AGMO: variants seen among roughly 807,000 people sequenced by gnomAD.
The protein encoded by AGMO is alkylglycerol monooxygenase.
AGMO carries 75 observed loss-of-function variants against 60.2 expected under a neutral mutation model. That is an observed-to-expected ratio of 1.25 (90% CI 1.03 to 1.51). The LOEUF is 1.51. Ranked by LOEUF, AGMO falls within the 40% of genes most tolerant of loss-of-function variation. AGMO has a pLI of 0.00. For missense variants in AGMO, 763 were observed against 525.5 expected (o/e 1.45, Z -4.42); for synonymous variants, 261 against 177.1 (o/e 1.47, Z -3.76).
At chr7:15,192,096 AAAACAAGAAAT>A in the AGMO span, among the ~76,000 whole-genome samples, 1 of 152,254 alleles carries the variant, frequency 6.6e-6, no homozygotes, top group East Asian at 1.9e-4. Context: ...AATGTTTTTC[AAAACAAGAAAT>A]AACAAAACCA....
chr7:15,467,043 A>C (rs1202891598), intron 3 of AGMO, among the ~76,000 whole-genome samples: 1 of 152,328 alleles, frequency 6.6e-6, no homozygotes, highest in South Asian at 2.1e-4. Context: ...CTGTTGCAAT[A>C]ATATCCTAAA....
chr7:15,411,252 T>C (rs1780593668), intron 5 of AGMO, among the ~76,000 whole-genome samples: 1 of 152,006 alleles, frequency 6.6e-6, no homozygotes, highest in Non-Finnish European at 1.5e-5. Flanking sequence ...TTGAGCCAAA[T>C]AAACTTCTAT....
In AGMO at chr7:15,447,699, C is replaced by T. The variant is rs561261970; in HGVS notation, c.410-16591G>A. ...GCAGGTAGCTGGGACTACAGACACACGCCACCACACCTGGCTAAATTTTTT... is the reference window on the plus strand; with the variant it reads ...GCAGGTAGCTGGGACTACAGACACATGCCACCACACCTGGCTAAATTTTTT... On this transcript the variant is annotated intron_variant, in intron 3 of 12. Coordinates refer to ENST00000342526, the MANE Select transcript of AGMO (RefSeq NM_001004320.2). Among the ~76,000 whole-genome samples, 35 of 152,136 alleles carry T rather than the reference C, an allele frequency of 2.3e-4. No homozygotes were observed. The South Asian group carries it at 3.7e-3, about 16-fold the overall frequency.
At chr7:15,545,584 C>T (rs1186317670) in intron 2 of AGMO, among the ~76,000 whole-genome samples, 1 of 151,892 alleles carries the variant, frequency 6.6e-6, no homozygotes, top group East Asian at 1.9e-4. Flanking sequence ...CTAGGGTTTT[C>T]ATAATATTAG....
At chr7:15,560,061 C>T (rs778121151) in intron 2 of AGMO, 80 bp downstream of exon 2, 1 of 1,281,648 alleles carries the variant, frequency 7.8e-7, no homozygotes. Flanking sequence ...AACTAATTCT[C>T]CCATGCATTG....
At chr7:15,544,488 T>A (rs1296686823) in intron 3 of AGMO, among the ~76,000 whole-genome samples, 6 of 152,114 alleles carry the variant, frequency 3.9e-5, no homozygotes, top group African/African-American at 1.4e-4. Context: ...AAAAACCAAA[T>A]GGTAAATAAT....
chr7:15,137,792 G>T, the AGMO span, among the ~76,000 whole-genome samples: 2 of 152,160 alleles, frequency 1.3e-5, no homozygotes, highest in Non-Finnish European at 2.9e-5. Flanking sequence ...TTTTAAGCTA[G>T]GGAGTGAAAT....
chr7:15,183,342 A>C, the AGMO span, among the ~76,000 whole-genome samples: 1 of 152,152 alleles, frequency 6.6e-6, no homozygotes, highest in Non-Finnish European at 1.5e-5. Context: ...TGCAGGGTGA[A>C]AGAACAATAG....
intron 3 of AGMO, among the ~76,000 whole-genome samples, chr7:15,520,724 C>T (rs1216688803): frequency 6.6e-6 from 1 of 152,156 alleles, no homozygotes; most frequent in Non-Finnish European, 1.5e-5. Flanking sequence ...ATTTATAGCA[C>T]TAAATGCCCA....
chr7:15,297,917 C>A (rs906211620), intron 12 of AGMO, among the ~76,000 whole-genome samples: 1 of 152,058 alleles, frequency 6.6e-6, no homozygotes, highest in East Asian at 1.9e-4. Context: ...TTAAATATTT[C>A]TTATTACAAA....
chr7:15,177,348 CTTTTAT>C, the AGMO span, among the ~76,000 whole-genome samples: 2 of 151,942 alleles, frequency 1.3e-5, no homozygotes, highest in African/African-American at 2.4e-5. Context: ...AAACTAGTTG[CTTTTAT>C]TTTTATCAAA....
At chr7:15,269,918 A>G (rs1783546047) in intron 12 of AGMO, among the ~76,000 whole-genome samples, 3 of 152,086 alleles carry the variant, frequency 2.0e-5, no homozygotes, top group Non-Finnish European at 2.9e-5. Context: ...AGCTGCCTCC[A>G]TGTTGCTGCA....
At chr7:15,199,852 T>C (rs1180085354), downstream of AGMO, among the ~76,000 whole-genome samples, 1 of 152,178 alleles carries the variant, frequency 6.6e-6, no homozygotes, top group East Asian at 1.9e-4. Context: ...TGAGATAGAA[T>C]GTGTTGCTTT....
At chr7:15,173,458 A>G in the AGMO span, among the ~76,000 whole-genome samples, 1 of 152,190 alleles carries the variant, frequency 6.6e-6, no homozygotes, top group Non-Finnish European at 1.5e-5. Context: ...CTTAAATAGT[A>G]TGAGCAAGAT....
intron 2 of AGMO, among the ~76,000 whole-genome samples, chr7:15,556,213 T>C (rs947876958): frequency 1.0e-4 from 13 of 127,678 alleles, no homozygotes; most frequent in Admixed American, 2.9e-4. Context: ...AATTTCCTCC[T>C]TTTTAGTTTT....
At chr7:15,372,678 A>T (rs866901447) in intron 10 of AGMO, among the ~76,000 whole-genome samples, 2 of 152,186 alleles carry the variant, frequency 1.3e-5, no homozygotes, top group African/African-American at 4.8e-5. Context: ...ATAAATATTT[A>T]GTCTCCTGTG....
chr7:15,224,542 C>G (rs1041823834), intron 12 of AGMO, among the ~76,000 whole-genome samples: 4 of 151,922 alleles, frequency 2.6e-5, no homozygotes, highest in Non-Finnish European at 5.9e-5. Flanking sequence ...CTTTCCAGCC[C>G]CCAGAACCAT....
At chr7:15,118,668 C>G in the AGMO span, among the ~76,000 whole-genome samples, 4 of 151,966 alleles carry the variant, frequency 2.6e-5, no homozygotes, top group Non-Finnish European at 5.9e-5. Context: ...TATAATTTGC[C>G]TTTGTCAACC....
At chr7:15,232,935 A>G (rs991006917) in intron 12 of AGMO, among the ~76,000 whole-genome samples, 1 of 152,144 alleles carries the variant, frequency 6.6e-6, no homozygotes, top group African/African-American at 2.4e-5. Context: ...GAGAAAAAGA[A>G]TGAAGAAGTT....
Sources: gnomAD v4.1 joint callset for allele counts (sites outside exome capture counted in the v4.1 genomes callset) on GRCh38, gnomAD v4.1.1 for gene constraint, MANE v1.5 for transcripts, NCBI Gene and HGNC (gene_info 2026-07-23, HGNC 2026-07-21) for gene names.